Variants in MARCHF5 observed in about 807,000 individuals in gnomAD.
MARCHF5 encodes the protein membrane associated ring-CH-type finger 5, also known as E3 ubiquitin-protein ligase MARCHF5.
A neutral mutation model predicts 36.5 loss-of-function variants in MARCHF5; 5 were observed. The observed-to-expected ratio is 0.14, with a 90% confidence interval of 0.07 to 0.29. The LOEUF (loss-of-function observed/expected upper bound fraction) is 0.29, where lower values mean the gene tolerates loss of function less well. Ranked by LOEUF, MARCHF5 falls within the 10% of genes least tolerant of loss-of-function variation. The pLI is 1.00. For synonymous variants in MARCHF5, 103 were observed against 109.9 expected, an observed-to-expected ratio of 0.94 and a Z score of 0.39; for missense variants, 179 against 336.3, an observed-to-expected ratio of 0.53 and a Z score of 3.66.
intron 2 of MARCHF5, chr10:92,334,577 GTTA>G (rs1843480152): frequency 2.6e-5 from 4 of 152,234 alleles, no homozygotes; most frequent in Non-Finnish European, 4.4e-5. Context: ...AGTTCTGGGT[GTTA>G]TTATAAGCAA....
chr10:92,318,987 G>C (rs901865086), intron 2 of MARCHF5, among the ~76,000 whole-genome samples: 9 of 152,144 alleles, frequency 5.9e-5, no homozygotes, highest in Admixed American at 5.2e-4. Flanking sequence ...GATTACAGGC[G>C]TGAGCCGCTG....
At chr10:92,310,791 C>T (rs977037068) in intron 1 of MARCHF5, among the ~76,000 whole-genome samples, 1 of 152,058 alleles carries the variant, frequency 6.6e-6, no homozygotes, top group African/African-American at 2.4e-5. Flanking sequence ...GCTTACTATT[C>T]CTCAAAGAAT....
intron 2 of MARCHF5, among the ~76,000 whole-genome samples, chr10:92,326,123 G>A (rs537139981): frequency 6.6e-6 from 1 of 152,314 alleles, no homozygotes; most frequent in South Asian, 2.1e-4. Flanking sequence ...CACTAGGGAT[G>A]AATAGGACCA....
At chr10:92,324,882 C>G (rs1310663403) in intron 2 of MARCHF5, among the ~76,000 whole-genome samples, 1 of 151,870 alleles carries the variant, frequency 6.6e-6, no homozygotes, top group African/African-American at 2.4e-5. Flanking sequence ...TATATTAAAA[C>G]TTTTTTTAAT....
chr10:92,349,816 TA>T lies in MARCHF5; in HGVS notation c.701del (p.Asn234IlefsTer15). 6.2e-7 allele frequency: 1 copy of T among 1,612,824 alleles called. No homozygotes were observed. The highest frequency in any genetic ancestry group is 8.5e-7 in the Non-Finnish European group (1 of 1,179,298). On this transcript the variant is annotated frameshift_variant, in exon 5 of 6. Transcript: ENST00000358935. LOFTEE classifies it high-confidence loss of function. ...GKLMFSSVNSNLQRTILGGIA... is the reference protein window; with the variant it reads ...GKLMFSSVNSXLQRTILGGIA... ...AATTGATGTTCAGTAGTGTTAACTC[TA>T]ATTTACAAAGGACAATCTTGGTAAG...
At chr10:92,311,077 T>C (rs951306160) in intron 1 of MARCHF5, 58 bp from the exon 2 acceptor site, 6 of 1,281,998 alleles carry the variant, frequency 4.7e-6, no homozygotes, top group Non-Finnish European at 6.8e-6. Flanking sequence ...AGCTGCAGTA[T>C]AGAGGAGGCT....
intron 2 of MARCHF5, among the ~76,000 whole-genome samples, chr10:92,322,394 T>A (rs948471036): frequency 6.6e-6 from 1 of 150,718 alleles, no homozygotes; most frequent in African/African-American, 2.4e-5. Context: ...TCCTTTTAGT[T>A]TCTTAAGGTA....
chr10:92,330,362 A>G (rs2135204489), intron 2 of MARCHF5, among the ~76,000 whole-genome samples: 1 of 152,318 alleles, frequency 6.6e-6, no homozygotes, highest in South Asian at 2.1e-4. Context: ...TACAGGTCCA[A>G]AACATAACTA....
chr10:92,309,551 G>C (rs1006562307), intron 1 of MARCHF5, among the ~76,000 whole-genome samples: 2 of 152,142 alleles, frequency 1.3e-5, no homozygotes, highest in Non-Finnish European at 2.9e-5. Context: ...GTATTTTGTT[G>C]CTAAAATGAT....
At chr10:92,338,732 A>T (rs921509689) in intron 2 of MARCHF5, among the ~76,000 whole-genome samples, 2 of 152,198 alleles carry the variant, frequency 1.3e-5, no homozygotes, top group African/African-American at 4.8e-5. Flanking sequence ...GGCTCCATAG[A>T]TGGATGCTTT....
intron 3 of MARCHF5, among the ~76,000 whole-genome samples, chr10:92,344,835 A>G (rs555989801): frequency 7.7e-4 from 118 of 152,326 alleles, no homozygotes; most frequent in African/African-American, 2.8e-3. Flanking sequence ...AGACAACACA[A>G]TAATTTTTTT....
Position 92,291,415 on chromosome 10 carries a change from C to A in MARCHF5, c.-80C>A, listed in dbSNP as rs1842859668. On this transcript the variant is annotated 5_prime_UTR_variant, in exon 1 of 6. Coordinates refer to ENST00000358935, the MANE Select transcript of MARCHF5 (RefSeq NM_017824.5). ...GCCGCCGGACTGCGGCCTACTCCGCCGCCTCTCAGTGCTATTGTCCCTGGG... is the reference window on the plus strand; with the variant it reads ...GCCGCCGGACTGCGGCCTACTCCGCAGCCTCTCAGTGCTATTGTCCCTGGG... 2 of 1,276,906 alleles carry A rather than the reference C, an allele frequency of 1.6e-6. No individual in the cohort carries two copies. Among genetic ancestry groups the A allele is most frequent in the African/African-American group, 1.5e-5 (1 of 66,408 alleles). 79.1% of individuals were successfully genotyped at this position (1,276,906 alleles called of 1,614,324 possible).
rs540611134 is a variant in MARCHF5, at chr10:92,314,381, C to T, written c.238+3044C>T. Among the ~76,000 whole-genome samples, 210 of 152,330 alleles carry T rather than the reference C, an allele frequency of 1.4e-3. 1 individual carries two copies. Among genetic ancestry groups the T allele is most frequent in the Admixed American group, 3.0e-3 (46 of 15,306 alleles). The stretch of plus-strand genomic sequence containing the variant: ...AATATCCGCTGGGCACGGTGGCTCA[C>T]GCCTGTAATCCCAACACTGGGAGGC... On this transcript the variant is annotated intron_variant, in intron 2 of 5. Coordinates refer to ENST00000358935, the MANE Select transcript of MARCHF5 (RefSeq NM_017824.5).
chr10:92,347,169 C>G (rs1286394637), intron 3 of MARCHF5, among the ~76,000 whole-genome samples: 1 of 25,278 alleles, frequency 4.0e-5, no homozygotes, highest in Non-Finnish European at 8.5e-5. Flanking sequence ...CGTAGCAAGA[C>G]CCTGTCTTTT....
At chr10:92,347,523 T>TAGATGGATGATA (rs58664499) in intron 3 of MARCHF5, among the ~76,000 whole-genome samples, 1 of 86,876 alleles carries the variant, frequency 1.2e-5, no homozygotes, top group African/African-American at 4.6e-5. Flanking sequence ...GATAGATAGA[T>TAGATGGATGATA]GATAGATATA....
chr10:92,331,428 T>C (rs1475161812), intron 2 of MARCHF5, among the ~76,000 whole-genome samples: 1 of 150,954 alleles, frequency 6.6e-6, no homozygotes, highest in Non-Finnish European at 1.5e-5. Flanking sequence ...CCTTACCTCC[T>C]CCCCCCCCAT....
At chr10:92,339,720 T>C (rs1310255817) in intron 2 of MARCHF5, among the ~76,000 whole-genome samples, 2 of 152,082 alleles carry the variant, frequency 1.3e-5, no homozygotes, top group African/African-American at 2.4e-5. Context: ...CAGTTATATT[T>C]GGCCTTTAAA....
intron 2 of MARCHF5, among the ~76,000 whole-genome samples, chr10:92,333,055 G>A (rs1843457324): frequency 6.6e-6 from 1 of 151,722 alleles, no homozygotes; most frequent in South Asian, 2.1e-4. Context: ...AGCTACTCGG[G>A]AGGCTGAGGC....
Position 92,311,334 on chromosome 10 carries a change from T to C in MARCHF5, c.235T>C (p.Leu79=), listed in dbSNP as rs1343750039. 1.3e-6 allele frequency: 2 copies of C among 1,568,992 alleles called. No individual in the cohort carries two copies. The highest frequency in any genetic ancestry group is 1.7e-6 in the Non-Finnish European group (2 of 1,155,220). Residue 79 remains leucine, a synonymous_variant, in exon 2 of 6, where the codon TTG becomes CTG. Coordinates refer to ENST00000358935, the MANE Select transcript of MARCHF5 (RefSeq NM_017824.5). ...TGAATACCTAATAGTTTTTCCAAAA[T>C]TGGGTAAGAATATCTTTAAAAACAA... is the stretch of plus-strand genomic sequence containing the variant. ...NAEYLIVFPK[L]GPVVYVLDLA...
Sources: gnomAD v4.1 joint callset for allele counts (sites outside exome capture counted in the v4.1 genomes callset) on GRCh38, gnomAD v4.1.1 for gene constraint, MANE v1.5 for transcripts, NCBI Gene and HGNC (gene_info 2026-07-23, HGNC 2026-07-21) for gene names.